The following GYPB variants were observed in gnomAD, a reference collection of about 807,000 sequenced individuals.
The protein encoded by GYPB is glycophorin B (MNS blood group).
A neutral mutation model predicts 15.3 loss-of-function variants in GYPB; 13 were observed. The ratio of observed to expected loss-of-function variants is 0.85; its 90% CI spans 0.55 to 1.35. The LOEUF (loss-of-function observed/expected upper bound fraction) is 1.35, where lower values mean the gene tolerates loss of function less well. GYPB is among the 40% of genes most tolerant of loss of function. The probability of loss-of-function intolerance (pLI) is 0.00; values close to 1 mark genes in which losing one functional copy is unlikely to be tolerated. For missense variants in GYPB, 131 were observed against 108.3 expected (o/e 1.21, Z -0.93); for synonymous variants, 38 against 36.9 (o/e 1.03, Z -0.11).
intron 1 of GYPB, among the ~76,000 whole-genome samples, chr4:144,013,775 TG>T (rs1169895624): frequency 1.6e-4 from 9 of 56,878 alleles, no homozygotes; most frequent in African/African-American, 4.5e-4. Flanking sequence ...GCTGTGGGGT[TG>T]GGGGGGAGGG....
chr4:143,996,715 A>C (rs1727330095), intron 4 of GYPB, among the ~76,000 whole-genome samples: 1 of 150,744 alleles, frequency 6.6e-6, no homozygotes, highest in African/African-American at 2.5e-5. Flanking sequence ...GGCTGCAGTG[A>C]GCAGAGATTG....
intron 1 of GYPB, among the ~76,000 whole-genome samples, chr4:144,005,898 G>T (rs1269001205): frequency 6.6e-6 from 1 of 151,506 alleles, no homozygotes; most frequent in Non-Finnish European, 1.5e-5. Flanking sequence ...GAGGGATAAA[G>T]AAATAGCATG....
rs1330435674 is a variant in GYPB at position 144,017,224 on chromosome 4, G to GA, written c.37+2026dup. Among the ~76,000 whole-genome samples the GA allele has an allele frequency of 4.2e-4, 62 of 148,828 alleles. 1 individual carries two copies. The highest frequency in any genetic ancestry group is 1.6e-4 in the Non-Finnish European group (11 of 67,726). ...AGGGACTGGGAATCAAGTCATATTA[G>GA]AAAAAATGGGTTCTCCATTTGGAAG... On this transcript the variant is annotated intron_variant, in intron 1 of 4. Transcript: ENST00000502664.
At position 144,001,247 on chromosome 4, in the gene GYPB, A is replaced by C. The variant is rs774819236; in HGVS notation, c.74T>G (p.Val25Gly). The change falls in exon 2 of 5, where the codon GTG becomes GGG. Residue 25 changes from valine (V) to glycine (G), a missense_variant. Physicochemically the swap from Val to Gly is moderately radical, Grantham distance 109. Coordinates refer to ENST00000502664, the MANE Select transcript of GYPB (RefSeq NM_002100.6). ...VSISALSTTE[V>G]AMHTSTSSSV... ...AGAAGAGGTTGAAGTGTGCATTGCCACCTCAGTGGTACTTAATGCTGATAT... is the reference window on the plus strand; with the variant it reads ...AGAAGAGGTTGAAGTGTGCATTGCCCCCTCAGTGGTACTTAATGCTGATAT... The C allele has an allele frequency of 1.9e-6, 3 of 1,612,944 alleles. No homozygotes were observed. The highest frequency in any genetic ancestry group is 2.5e-6 in the Non-Finnish European group (3 of 1,179,820).
At chr4:144,018,726 G>C (rs2149973139) in intron 1 of GYPB, among the ~76,000 whole-genome samples, 1 of 151,116 alleles carries the variant, frequency 6.6e-6, no homozygotes, top group Non-Finnish European at 1.5e-5. Flanking sequence ...AGTAAGAGTT[G>C]TTTTTGTTTT....
At chr4:144,016,203 T>C (rs2149970974) in intron 1 of GYPB, among the ~76,000 whole-genome samples, 1 of 143,652 alleles carries the variant, frequency 7.0e-6, no homozygotes, top group South Asian at 2.3e-4. Flanking sequence ...AACATGTGCT[T>C]CTCAGACTGA....
At chr4:144,013,094 T>C (rs532022683) in intron 1 of GYPB, among the ~76,000 whole-genome samples, 3 of 151,716 alleles carry the variant, frequency 2.0e-5, no homozygotes, top group South Asian at 2.1e-4. Context: ...CTCTTACAAC[T>C]TAGCAACAGA....
chr4:144,008,473 G>A (rs1405746593), intron 1 of GYPB: 15 of 455,022 alleles, frequency 3.3e-5, no homozygotes, highest in South Asian at 4.6e-5. Context: ...TCCACATTAC[G>A]GAAGAGAAGA....
intron 1 of GYPB, among the ~76,000 whole-genome samples, chr4:144,005,796 A>G (rs1727881035): frequency 6.6e-6 from 1 of 151,662 alleles, no homozygotes; most frequent in Non-Finnish European, 1.5e-5. Flanking sequence ...TGAGAAACAT[A>G]CTCTCAAGAC....
intron 2 of GYPB, 45 bp from the exon 3 acceptor site, chr4:143,999,494 T>C (rs778833697): frequency 9.7e-7 from 1 of 1,026,950 alleles, no homozygotes; most frequent in South Asian, 1.4e-5. Flanking sequence ...GAAAGACATG[T>C]GCAAAGAAAA....
intron 2 of GYPB, among the ~76,000 whole-genome samples, chr4:144,000,871 T>G (rs1210828517): frequency 1.3e-5 from 2 of 151,270 alleles, no homozygotes; most frequent in African/African-American, 4.9e-5. Context: ...GAACTCATTT[T>G]GCCCACAGAC....
chr4:144,004,603 G>GA (rs60571873), intron 1 of GYPB, among the ~76,000 whole-genome samples: 4 of 129,054 alleles, frequency 3.1e-5, no homozygotes, highest in African/African-American at 1.1e-4. Context: ...GCATCTGGTT[G>GA]AAAAAAAAAA....
At position 144,002,352 on chromosome 4, in the gene GYPB, T is replaced by C. The variant is rs143255255; in HGVS notation, c.38-1069A>G. Among the ~76,000 whole-genome samples, 9 of 151,556 alleles carry C rather than the reference T, an allele frequency of 5.9e-5. No homozygotes were observed. In the East Asian group the frequency reaches 7.7e-4, roughly 13 times the overall value. On this transcript the variant is annotated intron_variant, in intron 1 of 4. Coordinates refer to ENST00000502664, the MANE Select transcript of GYPB (RefSeq NM_002100.6). ...AATATGTGTGAATATGTATATAATG[T>C]TTACAAGTCTGACTTTCTACTTAAT... is the stretch of plus-strand genomic sequence containing the variant.
chr4:144,012,110 CAGTT>C (rs1234331819), intron 1 of GYPB, among the ~76,000 whole-genome samples: 1 of 151,858 alleles, frequency 6.6e-6, no homozygotes, highest in Non-Finnish European at 1.5e-5. Context: ...AACAGCCACA[CAGTT>C]AGAGTTCCTT....
intron 1 of GYPB, among the ~76,000 whole-genome samples, chr4:144,018,623 C>G (rs1417779104): frequency 6.6e-6 from 1 of 151,276 alleles, no homozygotes; most frequent in Non-Finnish European, 1.5e-5. Flanking sequence ...AAGTTAAATT[C>G]AAATTATTGA....
chr4:143,997,171 A>T (rs1727366992), intron 4 of GYPB, among the ~76,000 whole-genome samples: 1 of 151,222 alleles, frequency 6.6e-6, no homozygotes, highest in African/African-American at 2.5e-5. Flanking sequence ...CCTCCTCCAA[A>T]GTTTTAAACA....
chr4:144,008,535 A>G, intron 1 of GYPB: 6 of 454,788 alleles, frequency 1.3e-5, no homozygotes, highest in Non-Finnish European at 2.6e-5. Flanking sequence ...TTTCCAGCCA[A>G]GCATATTCCA....
intron 1 of GYPB, chr4:144,012,823 T>C (rs1728284392): frequency 6.6e-6 from 1 of 151,134 alleles, no homozygotes; most frequent in Non-Finnish European, 1.5e-5. Flanking sequence ...AAACCAAAGA[T>C]CTAAATATAA....
At chr4:144,016,984 G>A (rs1050965721) in intron 1 of GYPB, 6 of 354,866 alleles carry the variant, frequency 1.7e-5, no homozygotes, top group Non-Finnish European at 3.2e-5. Context: ...CATCTTACCT[G>A]GTTTTATATG....
Sources: gnomAD v4.1 joint callset for allele counts (sites outside exome capture counted in the v4.1 genomes callset) on GRCh38, gnomAD v4.1.1 for gene constraint, MANE v1.5 for transcripts, NCBI Gene and HGNC (gene_info 2026-07-23, HGNC 2026-07-21) for gene names.